WWC2: variants seen among roughly 807,000 people sequenced by gnomAD.
WWC2 encodes the protein WW and C2 domain containing 2.
A neutral mutation model predicts 138.5 loss-of-function variants in WWC2; 101 were observed. That is an observed-to-expected ratio of 0.73 (90% CI 0.62 to 0.86). WWC2 has a LOEUF of 0.86. WWC2 is among the 40% of genes least tolerant of loss of function. The pLI is 0.00. For missense variants in WWC2, 1,420 were observed against 1,419.4 expected (o/e 1.00, Z -0.01); for synonymous variants, 558 against 538.4 (o/e 1.04, Z -0.50).
At chr4:183,223,800 G>C (rs1036478977) in intron 4 of WWC2, among the ~76,000 whole-genome samples, 1 of 151,966 alleles carries the variant, frequency 6.6e-6, no homozygotes, top group African/African-American at 2.4e-5. Flanking sequence ...CGGCAATCTC[G>C]GCTCACTGCA....
intron 1 of WWC2, among the ~76,000 whole-genome samples, chr4:183,167,492 G>C (rs1227002779): frequency 6.6e-6 from 1 of 151,748 alleles, no homozygotes; most frequent in Non-Finnish European, 1.5e-5. Context: ...CAGTCTGCTT[G>C]GGTCAGCCCC....
At chr4:183,225,883 T>C (rs557543767) in intron 4 of WWC2, among the ~76,000 whole-genome samples, 7 of 152,124 alleles carry the variant, frequency 4.6e-5, no homozygotes, top group Non-Finnish European at 8.8e-5. Flanking sequence ...GGTCTAATGG[T>C]TGTATGTGGA....
chr4:183,320,480 G>A lies in WWC2; in HGVS notation c.*4751G>A, dbSNP rs773627281. On this transcript the variant is annotated 3_prime_UTR_variant, in exon 23 of 23. Coordinates refer to ENST00000403733, the MANE Select transcript of WWC2 (RefSeq NM_024949.6). ...TCCTGTGGGCTGGATTTGACAGAAA[G>A]CAGTTTGTCACTGAAATATAATTAA... The A allele has an allele frequency of 2.1e-6, 1 of 481,746 alleles. No homozygotes were observed. Among genetic ancestry groups the A allele is most frequent in the Non-Finnish European group, 3.7e-6 (1 of 267,148 alleles). The allele number at this position is 481,746 out of a possible 1,614,324, so 29.8% of individuals were successfully genotyped here.
intron 4 of WWC2, among the ~76,000 whole-genome samples, chr4:183,216,045 A>G (rs1735746669): frequency 6.6e-6 from 1 of 152,256 alleles, no homozygotes; most frequent in Non-Finnish European, 1.5e-5. Flanking sequence ...ATAAAGATAT[A>G]ATGAATACAT....
At chr4:183,141,617 T>C (rs895083236) in intron 1 of WWC2, among the ~76,000 whole-genome samples, 2 of 152,148 alleles carry the variant, frequency 1.3e-5, no homozygotes, top group Non-Finnish European at 2.9e-5. Context: ...TAGATTCACC[T>C]TTGTATCACC....
intron 1 of WWC2, among the ~76,000 whole-genome samples, chr4:183,132,027 T>G (rs1732942222): frequency 1.3e-5 from 2 of 152,188 alleles, no homozygotes; most frequent in South Asian, 4.1e-4. Flanking sequence ...TGTGTTGCAG[T>G]TCAGTTCCTT....
At chr4:183,189,125 C>G (rs929793019) in intron 1 of WWC2, among the ~76,000 whole-genome samples, 9 of 151,878 alleles carry the variant, frequency 5.9e-5, no homozygotes, top group African/African-American at 2.2e-4. Flanking sequence ...TTGCTAGTTT[C>G]CCTATCTAGT....
chr4:183,166,152 C>G (rs919038341), intron 1 of WWC2, among the ~76,000 whole-genome samples: 1 of 152,106 alleles, frequency 6.6e-6, no homozygotes, highest in South Asian at 2.1e-4. Flanking sequence ...ACTCCCTCCC[C>G]CAGATATAGC....
intron 21 of WWC2, among the ~76,000 whole-genome samples, chr4:183,311,351 A>G (rs1455295199): frequency 6.6e-6 from 1 of 152,184 alleles, no homozygotes; most frequent in Non-Finnish European, 1.5e-5. Context: ...AACAGCGTGT[A>G]TGATTCTCGT....
chr4:183,213,222 C>G (rs1735659130), intron 4 of WWC2, among the ~76,000 whole-genome samples: 1 of 152,174 alleles, frequency 6.6e-6, no homozygotes, highest in African/African-American at 2.4e-5. Context: ...GTATCTGTGT[C>G]CGTTTTGACC....
intron 16 of WWC2, among the ~76,000 whole-genome samples, chr4:183,280,052 A>G (rs1173852752): frequency 1.3e-5 from 2 of 152,004 alleles, no homozygotes; most frequent in Non-Finnish European, 2.9e-5. Flanking sequence ...ACTGGATGTT[A>G]CGTATGAGAA....
intron 1 of WWC2, among the ~76,000 whole-genome samples, chr4:183,152,302 C>T (rs1733655873): frequency 6.6e-6 from 1 of 151,764 alleles, no homozygotes; most frequent in Non-Finnish European, 1.5e-5. Context: ...GGTTTGAGAC[C>T]AGCCTGGGTA....
At chr4:183,238,866 T>A (rs542774144) in intron 4 of WWC2, among the ~76,000 whole-genome samples, 1 of 152,270 alleles carries the variant, frequency 6.6e-6, no homozygotes, top group South Asian at 2.1e-4. Context: ...GTCTGTAAGA[T>A]CCCTGAGGGC....
rs548899997 is a variant in WWC2 at position 183,268,316 on chromosome 4, G to A, written c.2208-655G>A. ...TGTGTGCTCAGAAGAGTCACTTTAA[G>A]GTAGTATTAGAAGTTATTGTTTTTC... On this transcript the variant is annotated intron_variant, in intron 14 of 22. Coordinates refer to ENST00000403733, the MANE Select transcript of WWC2 (RefSeq NM_024949.6). Among the ~76,000 whole-genome samples the A allele has an allele frequency of 2.6e-4, 40 of 152,250 alleles. No individual in the cohort carries two copies. The South Asian group carries it at 7.7e-3, about 29-fold the overall frequency.
intron 1 of WWC2, among the ~76,000 whole-genome samples, chr4:183,114,809 T>G (rs1732360212): frequency 6.6e-6 from 1 of 151,942 alleles, no homozygotes; most frequent in Non-Finnish European, 1.5e-5. Flanking sequence ...CCCCGTAGGT[T>G]GTTTGTTTGT....
intron 21 of WWC2, among the ~76,000 whole-genome samples, chr4:183,292,753 A>G (rs1011358515): frequency 2.6e-5 from 4 of 152,176 alleles, no homozygotes; most frequent in Non-Finnish European, 4.4e-5. Flanking sequence ...AAAAAGAGAG[A>G]ACACTTCCAC....
intron 1 of WWC2, among the ~76,000 whole-genome samples, chr4:183,152,567 T>C (rs962235102): frequency 2.0e-5 from 3 of 148,358 alleles, no homozygotes; most frequent in African/African-American, 7.4e-5. Flanking sequence ...GGCGTTCACA[T>C]GTGCATATAG....
intron 1 of WWC2, among the ~76,000 whole-genome samples, chr4:183,133,269 C>T (rs1415645743): frequency 1.3e-5 from 2 of 150,216 alleles, no homozygotes; most frequent in Non-Finnish European, 2.9e-5. Context: ...TTTGTCCAGT[C>T]TCTGCCTCCC....
At chr4:183,204,787 C>A (rs1735399209) in intron 2 of WWC2, among the ~76,000 whole-genome samples, 1 of 152,204 alleles carries the variant, frequency 6.6e-6, no homozygotes, top group Non-Finnish European at 1.5e-5. Flanking sequence ...CTCAGTACTG[C>A]TGGGCCCAGG....
Sources: allele counts gnomAD v4.1 joint callset (sites outside exome capture counted in the v4.1 genomes callset), GRCh38; gene constraint gnomAD v4.1.1; transcripts MANE v1.5; gene names NCBI Gene and HGNC (gene_info 2026-07-23, HGNC 2026-07-21).